ACSS3: variants seen among roughly 807,000 people sequenced by gnomAD.
The protein encoded by ACSS3 is acyl-CoA synthetase short chain family member 3.
In ACSS3, 64 loss-of-function variants were observed where a neutral mutation model predicts 84.2. The ratio of observed to expected loss-of-function variants is 0.76; its 90% confidence interval spans 0.62 to 0.94. The LOEUF (loss-of-function observed/expected upper bound fraction) is 0.94, where lower values mean the gene tolerates loss of function less well. Among genes scored for constraint, ACSS3 ranks in the 40% least tolerant of loss-of-function variants. ACSS3 has a pLI of 0.00. For missense variants in ACSS3, 815 were observed against 867.6 expected, an observed-to-expected ratio of 0.94 and a Z score of 0.76; for synonymous variants, 317 against 310.1, an observed-to-expected ratio of 1.02 and a Z score of -0.23.
intron 2 of ACSS3, among the ~76,000 whole-genome samples, chr12:81,126,637 A>C (rs1487712598): frequency 1.3e-5 from 2 of 152,224 alleles, no homozygotes; most frequent in Non-Finnish European, 2.9e-5. Flanking sequence ...ATAGGGAAAT[A>C]CAGGATTTAA....
intron 1 of ACSS3, among the ~76,000 whole-genome samples, chr12:81,091,840 C>G (rs1881689214): frequency 6.6e-6 from 1 of 152,032 alleles, no homozygotes; most frequent in African/African-American, 2.4e-5. Context: ...ATAATAACAG[C>G]ATCACCTTTT....
At chr12:81,196,166 T>C (rs1482016283) in intron 8 of ACSS3, among the ~76,000 whole-genome samples, 2 of 152,138 alleles carry the variant, frequency 1.3e-5, no homozygotes, top group Non-Finnish European at 2.9e-5. Context: ...ATTGAGTATG[T>C]AATATTAAAT....
rs115365768 is a variant in ACSS3 at position 81,123,214 on chromosome 12, G to A, written c.457-11602G>A. The stretch of plus-strand genomic sequence containing the variant: ...ATTGAATCCTGTGGTGAATGGTGGA[G>A]GGAAAGGGGCAATCATGGATATAAT... On this transcript the variant is annotated intron_variant, in intron 2 of 15. Coordinates refer to ENST00000548058, the MANE Select transcript of ACSS3 (RefSeq NM_024560.4). 4.5e-3 allele frequency among the ~76,000 whole-genome samples: 681 copies of A among 152,222 alleles called. 4 individuals carry two copies. Among genetic ancestry groups the A allele is most frequent in the African/African-American group, 0.016 (646 of 41,536 alleles).
intron 1 of ACSS3, among the ~76,000 whole-genome samples, chr12:81,092,584 T>TAAAA: frequency 6.6e-6 from 1 of 152,184 alleles, no homozygotes; most frequent in South Asian, 2.1e-4. Context: ...AACAACTAAT[T>TAAAA]TTAATTTTAT....
chr12:81,114,894 G>A (rs1883909641), intron 2 of ACSS3, among the ~76,000 whole-genome samples: 1 of 152,076 alleles, frequency 6.6e-6, no homozygotes, highest in South Asian at 2.1e-4. Flanking sequence ...GCCCCCAGAA[G>A]CCCTTGTTGT....
chr12:81,151,782 G>T (rs1886620578), intron 5 of ACSS3, 62 bp from the exon 6 acceptor site: 2 of 1,433,216 alleles, frequency 1.4e-6, no homozygotes, highest in Non-Finnish European at 1.9e-6. Context: ...TGGATGCTAT[G>T]AAGATAGAGA....
At chr12:81,080,462 T>G (rs1041091892) in intron 1 of ACSS3, among the ~76,000 whole-genome samples, 1 of 152,070 alleles carries the variant, frequency 6.6e-6, no homozygotes, top group South Asian at 2.1e-4. Context: ...TCTGAATTCT[T>G]TATCTTTTCA....
At chr12:81,219,512 A>T (rs908017859) in intron 10 of ACSS3, among the ~76,000 whole-genome samples, 4 of 152,140 alleles carry the variant, frequency 2.6e-5, no homozygotes, top group African/African-American at 9.6e-5. Flanking sequence ...TCAGGACAGC[A>T]CAGAAAGTAT....
chr12:81,088,294 T>G (rs1438817167), intron 1 of ACSS3, among the ~76,000 whole-genome samples: 1 of 152,096 alleles, frequency 6.6e-6, no homozygotes, highest in Non-Finnish European at 1.5e-5. Context: ...TAAACATTTA[T>G]TTTTGCAAGT....
intron 5 of ACSS3, among the ~76,000 whole-genome samples, chr12:81,144,628 A>C (rs1042810651): frequency 1.3e-5 from 2 of 152,118 alleles, no homozygotes; most frequent in African/African-American, 4.8e-5. Context: ...CTGAAAACAC[A>C]GTATAACTTA....
chr12:81,204,962 G>C (rs1481635439), intron 9 of ACSS3, among the ~76,000 whole-genome samples: 3 of 152,142 alleles, frequency 2.0e-5, no homozygotes, highest in Non-Finnish European at 2.9e-5. Flanking sequence ...TGAGACATTG[G>C]TGATGATTGA....
At chr12:81,244,699 T>A (rs1231101964) in intron 13 of ACSS3, among the ~76,000 whole-genome samples, 1 of 152,214 alleles carries the variant, frequency 6.6e-6, no homozygotes, top group Non-Finnish European at 1.5e-5. Flanking sequence ...ACAGTGATAT[T>A]GCTTTGTAGC....
chr12:81,186,601 T>A (rs59618264), intron 8 of ACSS3, among the ~76,000 whole-genome samples: 15,802 of 151,820 alleles, frequency 0.1, 1,044 homozygotes, highest in East Asian at 0.21. Flanking sequence ...AGCATGCATA[T>A]GGAAAGGTGT....
chr12:81,131,515 A>C (rs1330203540), intron 2 of ACSS3, among the ~76,000 whole-genome samples: 1 of 152,204 alleles, frequency 6.6e-6, no homozygotes, highest in African/African-American at 2.4e-5. Context: ...TATCAGCTTA[A>C]GGAGATTTGG....
chr12:81,110,882 T>C (rs1165626784), intron 2 of ACSS3, among the ~76,000 whole-genome samples: 2 of 152,202 alleles, frequency 1.3e-5, no homozygotes, highest in Non-Finnish European at 2.9e-5. Flanking sequence ...TTTGAACCCA[T>C]TTAAGGGTTC....
At chr12:81,250,180 C>T (rs971910460) in intron 13 of ACSS3, among the ~76,000 whole-genome samples, 9 of 151,914 alleles carry the variant, frequency 5.9e-5, no homozygotes, top group Non-Finnish European at 1.2e-4. Flanking sequence ...GCTTCTGTCC[C>T]TTGAATGTTG....
intron 7 of ACSS3, among the ~76,000 whole-genome samples, chr12:81,169,361 A>G (rs1887550742): frequency 6.6e-6 from 1 of 152,186 alleles, no homozygotes; most frequent in African/African-American, 2.4e-5. Context: ...CAATTATCCC[A>G]TTTGGCTTTA....
At chr12:81,147,172 G>A (rs1315309683) in intron 5 of ACSS3, among the ~76,000 whole-genome samples, 1 of 152,134 alleles carries the variant, frequency 6.6e-6, no homozygotes, top group Non-Finnish European at 1.5e-5. Flanking sequence ...CATGGACATA[G>A]CTTCAGAATC....
chr12:81,251,675 A>AAG (rs1200687879), intron 13 of ACSS3, among the ~76,000 whole-genome samples: 4 of 149,650 alleles, frequency 2.7e-5, no homozygotes, highest in South Asian at 2.1e-4. Context: ...CTACAAAAAA[A>AAG]AAAAAAAAAT....
Sources: allele counts gnomAD v4.1 joint callset (sites outside exome capture counted in the v4.1 genomes callset), GRCh38; gene constraint gnomAD v4.1.1; transcripts MANE v1.5; gene names NCBI Gene and HGNC (gene_info 2026-07-23, HGNC 2026-07-21).